CBLB: variants seen among roughly 807,000 people sequenced by gnomAD.
The protein encoded by CBLB is Cbl proto-oncogene B, also known as E3 ubiquitin-protein ligase CBL-B.
CBLB carries 31 observed loss-of-function variants against 104.9 expected under a neutral mutation model. The ratio of observed to expected loss-of-function variants is 0.30; its 90% CI spans 0.22 to 0.40. CBLB has a LOEUF of 0.40. Ranked by LOEUF, CBLB falls within the 10% of genes least tolerant of loss-of-function variation. The pLI is 1.00. For missense variants in CBLB, 1,062 were observed against 1,214.6 expected (o/e 0.87, Z 1.87); for synonymous variants, 440 against 422.6 (o/e 1.04, Z -0.51).
intron 17 of CBLB, chr3:105,673,657 G>A (rs914391524): frequency 1.3e-5 from 2 of 152,106 alleles, no homozygotes; most frequent in African/African-American, 4.8e-5. Flanking sequence ...TCTCTACTAT[G>A]TAATGATCTA....
intron 18 of CBLB, among the ~76,000 whole-genome samples, chr3:105,669,525 A>C (rs2064843880): frequency 6.6e-6 from 1 of 152,212 alleles, no homozygotes; most frequent in Non-Finnish European, 1.5e-5. Flanking sequence ...TGACTAGGAC[A>C]AGCAGTGAAC....
intron 12 of CBLB, among the ~76,000 whole-genome samples, chr3:105,694,347 G>A (rs1253371445): frequency 6.6e-6 from 1 of 151,912 alleles, no homozygotes; most frequent in African/African-American, 2.4e-5. Flanking sequence ...TTAAAGGGGG[G>A]CGGTTATGAG....
Position 105,681,738 on chromosome 3 carries a change from C to T in CBLB, c.2282G>A (p.Ser761Asn). 1 of 1,607,852 alleles carries T rather than the reference C, an allele frequency of 6.2e-7. No individual in the cohort carries two copies. Among genetic ancestry groups the T allele is most frequent in the South Asian group, 1.1e-5 (1 of 90,948 alleles). Residue 761 changes from serine (S) to asparagine (N), a missense_variant, in exon 15 of 19, where the codon AGC (serine) becomes AAC (asparagine). By Grantham distance (46) the Ser-to-Asn change is conservative. Around this residue, in one of 2 missense-constraint regions of CBLB, gnomAD observed 605 missense variants for 582.6 expected, o/e 1.04. Coordinates refer to ENST00000394030, the MANE Select transcript of CBLB (RefSeq NM_170662.5). ...SEKKSNIPDL[S>N]IYLKGDVFDS... ...TCTATACGTACCCTTTAAATATATG[C>T]TTAAGTCAGGGATGTTTGATTTCTT...
At chr3:105,763,984 G>C (rs2077948303) in intron 4 of CBLB, among the ~76,000 whole-genome samples, 1 of 152,204 alleles carries the variant, frequency 6.6e-6, no homozygotes, top group African/African-American at 2.4e-5. Flanking sequence ...CTGTGGGTTT[G>C]ATTCTGGAGT....
intron 2 of CBLB, among the ~76,000 whole-genome samples, chr3:105,863,667 G>C (rs1213820892): frequency 1.3e-5 from 2 of 152,112 alleles, no homozygotes; most frequent in Non-Finnish European, 2.9e-5. Flanking sequence ...AAATTAAAAG[G>C]AGTGTAAATT....
At chr3:105,832,523 A>C (rs902359841) in intron 3 of CBLB, among the ~76,000 whole-genome samples, 1 of 152,220 alleles carries the variant, frequency 6.6e-6, no homozygotes, top group African/African-American at 2.4e-5. Flanking sequence ...TGTCACATGA[A>C]AATACAATCC....
intron 10 of CBLB, 127 bp from the exon 11 acceptor site, chr3:105,704,300 G>T: frequency 1.2e-6 from 1 of 849,622 alleles, no homozygotes; most frequent in Non-Finnish European, 2.0e-6. Context: ...AATTCCCTTA[G>T]TTTACCCTGA....
intron 3 of CBLB, among the ~76,000 whole-genome samples, chr3:105,782,970 C>T (rs1199807265): frequency 6.6e-6 from 1 of 152,174 alleles, no homozygotes; most frequent in Non-Finnish European, 1.5e-5. Flanking sequence ...AATATATTTG[C>T]TTTCTAAAAT....
intron 4 of CBLB, among the ~76,000 whole-genome samples, chr3:105,769,674 T>C (rs1186961218): frequency 2.0e-5 from 3 of 152,290 alleles, no homozygotes; most frequent in East Asian, 3.9e-4. Flanking sequence ...ATGAACAGTA[T>C]TGAGTTGTTT....
rs1257270452 is a variant in CBLB, at chr3:105,656,167, TTGAGGA to T, written c.*2797_*2802del. On this transcript the variant is annotated 3_prime_UTR_variant, in exon 19 of 19. Transcript: ENST00000394030. Reference sequence around the variant, plus strand: ...TGGAGATAAATTTACTGGAATATAATTGAGGATAAGTCCTTCTATCTCCAGAACATG... The same window carrying T: ...TGGAGATAAATTTACTGGAATATAATTAAGTCCTTCTATCTCCAGAACATG... The T allele has an allele frequency of 1.8e-5, 4 of 219,880 alleles. No homozygotes were observed. The highest frequency in any genetic ancestry group is 9.0e-5 in the African/African-American group (4 of 44,616). 13.6% of individuals were successfully genotyped at this position (219,880 alleles called of 1,614,324 possible).
chr3:105,862,930 C>T (rs1316682586), intron 2 of CBLB, among the ~76,000 whole-genome samples: 1 of 152,142 alleles, frequency 6.6e-6, no homozygotes, highest in African/African-American at 2.4e-5. Flanking sequence ...TACTACATCT[C>T]AGCACTTTAT....
chr3:105,687,555 T>C (rs991448652), intron 13 of CBLB, among the ~76,000 whole-genome samples: 5 of 152,050 alleles, frequency 3.3e-5, no homozygotes, highest in African/African-American at 1.2e-4. Context: ...TTTTAGAGAA[T>C]TATATCTAGA....
At chr3:105,787,200 C>A (rs981479) in intron 3 of CBLB, among the ~76,000 whole-genome samples, 149,295 of 152,312 alleles carry the variant, frequency 0.98, 73,245 homozygotes, top group East Asian at 1. Context: ...TTAAAGGTCT[C>A]AGACTTTCAC....
intron 18 of CBLB, among the ~76,000 whole-genome samples, chr3:105,663,353 G>A (rs1332608343): frequency 6.6e-6 from 1 of 152,184 alleles, no homozygotes; most frequent in Non-Finnish European, 1.5e-5. Context: ...AGCTTCCATA[G>A]CCCTTTGTAT....
At chr3:105,709,965 T>C (rs547375453) in intron 10 of CBLB, among the ~76,000 whole-genome samples, 1 of 152,096 alleles carries the variant, frequency 6.6e-6, no homozygotes, top group African/African-American at 2.4e-5. Context: ...AAATTTGCCC[T>C]TCCTTCCTTG....
intron 3 of CBLB, among the ~76,000 whole-genome samples, chr3:105,794,742 A>G (rs939869252): frequency 3.3e-5 from 5 of 152,180 alleles, no homozygotes; most frequent in Non-Finnish European, 5.9e-5. Context: ...AAAAATGTTA[A>G]TAACAGATAC....
intron 3 of CBLB, among the ~76,000 whole-genome samples, chr3:105,852,569 T>C (rs2091079407): frequency 6.6e-6 from 1 of 152,194 alleles, no homozygotes; most frequent in Admixed American, 6.5e-5. Flanking sequence ...AAGAAATTTT[T>C]TTTATAAATT....
intron 10 of CBLB, among the ~76,000 whole-genome samples, chr3:105,713,537 C>T (rs1343681369): frequency 6.6e-6 from 1 of 152,102 alleles, no homozygotes. Flanking sequence ...TTTTAGAGTT[C>T]AAGTGTTGCT....
intron 18 of CBLB, among the ~76,000 whole-genome samples, chr3:105,665,442 T>TATATATATATACACAC (rs1182735970): frequency 4.5e-5 from 3 of 67,224 alleles, no homozygotes; most frequent in African/African-American, 1.5e-4. Context: ...TATATATATA[T>TATATATATATACACAC]ACACACACAC....
Sources: gnomAD v4.1 joint callset for allele counts (sites outside exome capture counted in the v4.1 genomes callset) on GRCh38, gnomAD v4.1.1 for gene constraint, gnomAD v4.1.1 regional missense constraint, MANE v1.5 for transcripts, NCBI Gene and HGNC (gene_info 2026-07-23, HGNC 2026-07-21) for gene names.